Variants in BACH1 observed in about 807,000 individuals in gnomAD.
BACH1 encodes the protein BTB domain and CNC homolog 1.
BACH1 carries 35 observed loss-of-function variants against 52.9 expected under a neutral mutation model. The observed-to-expected ratio is 0.66, with a 90% CI of 0.51 to 0.88. BACH1 has a LOEUF of 0.88. Ranked by LOEUF, BACH1 falls within the 40% of genes least tolerant of loss-of-function variation. The pLI is 0.00. For synonymous variants in BACH1, 321 were observed against 319.6 expected (o/e 1.00, Z -0.05); for missense variants, 808 against 872.6 (o/e 0.93, Z 0.93).
chr21:29,342,143 T>C (rs1382737483), intron 4 of BACH1, among the ~76,000 whole-genome samples: 1 of 152,194 alleles, frequency 6.6e-6, no homozygotes, highest in Admixed American at 6.5e-5. Flanking sequence ...CCAGGCCTGC[T>C]AGAGAAATTA....
rs779145767 is a variant in BACH1 at position 29,342,495 on chromosome 21, T to G, written c.1873T>G (p.Cys625Gly). 3.1e-6 allele frequency: 5 copies of G among 1,614,220 alleles called. No homozygotes were observed. In the Admixed American group the frequency reaches 5.0e-5, roughly 16 times the overall value. Residue 625 changes from cysteine (C) to glycine (G), a missense_variant, in exon 5 of 5, where the codon TGT becomes GGT. Cys to Gly is a radical substitution (Grantham distance 159). Transcript: ENST00000286800. ...CCTAACTGGACTTTGCCAGAAAGTTTGTAAAGAAGCAGCTCTGAGTCAAGA... is the reference window on the plus strand; with the variant it reads ...CCTAACTGGACTTTGCCAGAAAGTTGGTAAAGAAGCAGCTCTGAGTCAAGA... The part of the protein sequence containing the change: ...QNLTGLCQKV[C>G]KEAALSQEQI...
At chr21:29,301,774 CTGTT>C (rs2088606320) in intron 1 of BACH1, among the ~76,000 whole-genome samples, 4 of 152,084 alleles carry the variant, frequency 2.6e-5, no homozygotes, top group Admixed American at 2.6e-4. Flanking sequence ...TCCTTGAAGT[CTGTT>C]TTTTTTTGTT....
rs926775732 is a variant in BACH1 at position 29,344,672 on chromosome 21, G to C, written c.*1839G>C. ...TGTGTGTGTGTGTGTGTGTGTGTAT[G>C]TGTATGTATACATATATATCTCTCC... On this transcript the variant is annotated 3_prime_UTR_variant, in exon 5 of 5. Coordinates refer to ENST00000286800, the MANE Select transcript of BACH1 (RefSeq NM_001186.4). The C allele has an allele frequency of 6.6e-6, 1 of 151,368 alleles. No homozygotes were observed. Among genetic ancestry groups the C allele is most frequent in the Non-Finnish European group, 1.5e-5 (1 of 67,830 alleles). 9.4% of individuals were successfully genotyped at this position (151,368 alleles called of 1,614,324 possible). A position where few individuals can be genotyped will look rare whatever the true frequency, so the allele number is the denominator to read the frequency against.
At chr21:29,317,314 A>G (rs2088798960) in intron 1 of BACH1, among the ~76,000 whole-genome samples, 1 of 152,232 alleles carries the variant, frequency 6.6e-6, no homozygotes, top group African/African-American at 2.4e-5. Flanking sequence ...ATAAGAAATT[A>G]CTAATTCAGC....
intron 1 of BACH1, chr21:29,299,310 C>G (rs2088576117): frequency 6.6e-6 from 1 of 151,954 alleles, no homozygotes; most frequent in Admixed American, 6.5e-5. Flanking sequence ...GGCGCCAGCC[C>G]GGCCCCTCGC....
intron 2 of BACH1, chr21:29,351,658 C>T (rs2089202984): frequency 1.9e-6 from 1 of 534,566 alleles, no homozygotes; most frequent in African/African-American, 1.9e-5. Flanking sequence ...TCTGATGTGC[C>T]AAGAAGTGTT....
intron 2 of BACH1, among the ~76,000 whole-genome samples, chr21:29,322,087 A>G (rs889465197): frequency 2.0e-5 from 3 of 152,162 alleles, no homozygotes; most frequent in Non-Finnish European, 4.4e-5. Context: ...TAAAACCATC[A>G]CATCTCGTGA....
At chr21:29,349,502 G>A (rs1386061897), downstream of BACH1, among the ~76,000 whole-genome samples, 3 of 152,122 alleles carry the variant, frequency 2.0e-5, no homozygotes, top group South Asian at 2.1e-4. Flanking sequence ...GGGGCCCACC[G>A]GCGGCTGCTG....
At chr21:29,299,421 C>T (rs1161005581) in intron 1 of BACH1, 1 of 152,860 alleles carries the variant, frequency 6.5e-6, no homozygotes, top group African/African-American at 2.4e-5. Context: ...CTCGCGTCTA[C>T]TCAGCCCGGT....
chr21:29,328,636 A>G (rs1181019560), intron 3 of BACH1, among the ~76,000 whole-genome samples: 6 of 152,208 alleles, frequency 3.9e-5, no homozygotes, highest in African/African-American at 1.4e-4. Context: ...ACAATATTGT[A>G]CAGCAGATCT....
chr21:29,320,209 G>A (rs768365906), intron 1 of BACH1, among the ~76,000 whole-genome samples: 1 of 152,122 alleles, frequency 6.6e-6, no homozygotes, highest in Non-Finnish European at 1.5e-5. Flanking sequence ...AGTGAATGAC[G>A]CAGGGATGAT....
Position 29,326,858 on chromosome 21 carries a change from T to C in BACH1, c.1034T>C (p.Val345Ala), listed in dbSNP as rs2123448290. 2.5e-6 allele frequency: 4 copies of C among 1,614,172 alleles called. No homozygotes were observed. Among genetic ancestry groups the C allele is most frequent in the Non-Finnish European group, 3.4e-6 (4 of 1,180,030 alleles). The change falls in exon 3 of 5, where the codon GTG (valine) becomes GCG (alanine). Residue 345 changes from valine to alanine, a missense_variant. Val to Ala is a moderately conservative substitution (Grantham distance 64). Transcript: ENST00000286800. The stretch of plus-strand genomic sequence containing the variant: ...TTTGCTGGTATGCAAAACACAACAG[T>C]GTTAACAGAAAAGCCTTTGTCAGGT... ...LNFAGMQNTT[V>A]LTEKPLSGTD... is the part of the protein sequence containing the mutation.
At chr21:29,353,379 T>G (rs1452911339) in intron 2 of BACH1, among the ~76,000 whole-genome samples, 1 of 151,470 alleles carries the variant, frequency 6.6e-6, no homozygotes, top group African/African-American at 2.4e-5. Context: ...CGCAATAAGC[T>G]TTCATCGTCT....
intron 4 of BACH1, among the ~76,000 whole-genome samples, chr21:29,330,300 G>A (rs1462817832): frequency 1.3e-5 from 2 of 152,090 alleles, no homozygotes; most frequent in African/African-American, 4.8e-5. Context: ...GAGTAGCTGG[G>A]ACTACAGGCG....
In BACH1 at chr21:29,344,692, C is replaced by T. The variant is rs1000596380; in HGVS notation, c.*1859C>T. On this transcript the variant is annotated 3_prime_UTR_variant, in exon 5 of 5. Transcript: ENST00000286800. ...TGTATGTGTATGTATACATATATAT[C>T]TCTCCATATAGGTATTTCTTTGATA... 1.3e-5 allele frequency: 2 copies of T among 151,600 alleles called. No homozygotes were observed. The highest frequency in any genetic ancestry group is 4.9e-5 in the African/African-American group (2 of 41,128). The allele number at this position is 151,600 out of a possible 1,614,324, so 9.4% of individuals were successfully genotyped here. A position where few individuals can be genotyped will look rare whatever the true frequency, so the allele number is the denominator to read the frequency against.
chr21:29,326,549 G>A lies in BACH1; in HGVS notation c.725G>A (p.Gly242Glu), dbSNP rs372118522. 49 of 1,614,054 alleles carry A rather than the reference G, an allele frequency of 3.0e-5. No homozygotes were observed. The highest frequency in any genetic ancestry group is 4.0e-5 in the Non-Finnish European group (47 of 1,180,050). Residue 242 changes from glycine to glutamate, a missense_variant, in exon 3 of 5, where the codon GGG (glycine) becomes GAG (glutamate). By Grantham distance (98) the Gly-to-Glu change is moderately conservative. Transcript: ENST00000286800. ...TTTGGAACTGACAGAGTCCGTACTG[G>A]GGAATCTAGTGTCAAAGACATTCAT... ...KAFGTDRVRT[G>E]ESSVKDIHAS...
In BACH1 at chr21:29,328,414, T is replaced by C. The variant is rs181891580; in HGVS notation, c.1569+1021T>C. Among the ~76,000 whole-genome samples the C allele has an allele frequency of 1.2e-4, 19 of 152,148 alleles. No homozygotes were observed. The East Asian group carries it at 3.5e-3, about 28-fold the overall frequency. On this transcript the variant is annotated intron_variant, in intron 3 of 4. Transcript: ENST00000286800. The stretch of plus-strand genomic sequence containing the variant: ...TAAAATATTTTTTCTTTTTTTTGTT[T>C]TTATATTTTATGATTTTTTTTGCCT...
At chr21:29,356,770 C>A (rs182833800) in intron 2 of BACH1, among the ~76,000 whole-genome samples, 1 of 152,372 alleles carries the variant, frequency 6.6e-6, no homozygotes. Context: ...CAGAGAAGAC[C>A]TTCAATTATC....
chr21:29,346,212 A>G (rs1319345443), downstream of BACH1: 1 of 151,972 alleles, frequency 6.6e-6, no homozygotes, highest in Non-Finnish European at 1.5e-5. Flanking sequence ...TAGTCTTTTG[A>G]TCGGTAATTA....
Sources: allele counts gnomAD v4.1 joint callset (sites outside exome capture counted in the v4.1 genomes callset), GRCh38; gene constraint gnomAD v4.1.1; transcripts MANE v1.5; gene names NCBI Gene and HGNC (gene_info 2026-07-23, HGNC 2026-07-21).